DMPK: variants seen among roughly 807,000 people sequenced by gnomAD.
The protein encoded by DMPK is myotonin-protein kinase.
In DMPK, 32 loss-of-function variants were observed where a neutral mutation model predicts 70.3. That is an observed-to-expected ratio of 0.46 (90% CI 0.34 to 0.61). The LOEUF is 0.61. Ranked by LOEUF, DMPK falls within the 20% of genes least tolerant of loss-of-function variation. The pLI, the probability that DMPK is intolerant of heterozygous loss-of-function variation, is 0.01. For missense variants in DMPK, 899 were observed against 886.0 expected (o/e 1.01, Z -0.19); for synonymous variants, 469 against 390.9 (o/e 1.20, Z -2.36).
chr19:45,779,545 G>A (rs760240414), intron 2 of DMPK, 23 bp from the exon 3 acceptor site: 3 of 1,613,368 alleles, frequency 1.9e-6, no homozygotes, highest in Admixed American at 3.3e-5. Context: ...TAGTGAGACA[G>A]AGTGGAGACG....
chr19:45,779,019 G>A (rs1044553302), intron 4 of DMPK: 74 of 588,498 alleles, frequency 1.3e-4, no homozygotes, highest in African/African-American at 8.2e-4. Context: ...GAGACCCCCC[G>A]CAACAGAGAC....
Position 45,777,909 on chromosome 19 carries a change from C to A in DMPK, c.676-36G>T. 1 of 1,555,768 alleles carries A rather than the reference C, an allele frequency of 6.4e-7. No homozygotes were observed. Among genetic ancestry groups the A allele is most frequent in the Non-Finnish European group, 8.7e-7 (1 of 1,147,716 alleles). ...AGGAGCAGAGCGAGGCTTGGGCCCA[C>A]CCCTCTGGGCCCACCAGCTCTGGGC... is the stretch of plus-strand genomic sequence containing the variant. On this transcript the variant is annotated intron_variant, in intron 6 of 14. Transcript: ENST00000291270. The surrounding 1 kb of genome is among the most constrained non-coding windows in gnomAD (Gnocchi z 6.7).
Position 45,777,308 on chromosome 19 carries a change from AG to A in DMPK, c.1146+18del, listed in dbSNP as rs1326107967. 1.9e-6 allele frequency: 3 copies of A among 1,543,038 alleles called. No homozygotes were observed. Among genetic ancestry groups the A allele is most frequent in the Non-Finnish European group, 2.6e-6 (3 of 1,143,956 alleles). On this transcript the variant is annotated intron_variant, in intron 8 of 14. Transcript: ENST00000291270. This position sits in a 1 kb window ranked among gnomAD's most constrained non-coding sequence, Gnocchi z 6.7. ...CATGGGGAGGTTCCCGCAGCCGAGC[AG>A]GGGCCACAGGTACCTACCCCGCCCC...
chr19:45,779,162 C>A (rs984433618), intron 4 of DMPK, 102 bp downstream of exon 4: 19 of 1,224,322 alleles, frequency 1.6e-5, no homozygotes, highest in Non-Finnish European at 2.3e-5. Flanking sequence ...CAGACGTTTC[C>A]GGGCAGCACC....
chr19:45,775,655 T>G (rs1348798393), intron 8 of DMPK, among the ~76,000 whole-genome samples: 1 of 108,922 alleles, frequency 9.2e-6, no homozygotes, highest in African/African-American at 3.1e-5. Flanking sequence ...GTAGCTGGCA[T>G]TACAGGCATA....
chr19:45,780,675 A>T (rs517300), intron 1 of DMPK: 10 of 754,656 alleles, frequency 1.3e-5, no homozygotes, highest in Non-Finnish European at 1.5e-5. Context: ...GGAGAGAGGG[A>T]TGGGTATGGG....
intron 1 of DMPK, among the ~76,000 whole-genome samples, chr19:45,781,027 G>A (rs1362404248): frequency 6.6e-6 from 1 of 152,176 alleles, no homozygotes. Context: ...GCTGTGGGAG[G>A]TTGGGAGAAG....
intron 4 of DMPK, chr19:45,779,011 G>A (rs750287221): frequency 5.1e-6 from 3 of 587,790 alleles, no homozygotes; most frequent in Admixed American, 3.0e-5. Flanking sequence ...CCAGGTAAGA[G>A]ACCCCCCGCA....
chr19:45,778,008 A>G, intron 6 of DMPK, 119 bp downstream of exon 6: 3 of 1,216,510 alleles, frequency 2.5e-6, no homozygotes, highest in Non-Finnish European at 3.5e-6. Flanking sequence ...ACAGATGCAC[A>G]CTTAAGCCTG....
chr19:45,777,078 CA>C lies in DMPK; in HGVS notation c.1146+248del. 1 of 488,156 alleles carries C rather than the reference CA, an allele frequency of 2.0e-6. No individual in the cohort carries two copies. The allele number at this position is 488,156 out of a possible 1,614,324, so 30.2% of individuals were successfully genotyped here. On this transcript the variant is annotated intron_variant, in intron 8 of 14. Transcript: ENST00000291270. This position sits in a 1 kb window ranked among gnomAD's most constrained non-coding sequence, Gnocchi z 6.7. ...CTTCCTTGCTGAGTCAGGAGTCCCC[CA>C]CCCCCTGCACTCCATTGTCTCAGCC...
rs2146256051 is a variant in DMPK at position 45,779,276 on chromosome 19, A to G, written c.420T>C (p.Asp140=). Residue 140 remains aspartate, a synonymous_variant, in exon 4 of 15, where the codon GAT becomes GAC. Coordinates refer to ENST00000291270, the MANE Select transcript of DMPK (RefSeq NM_004409.5). ...WITQLHFAFQ[D]ENYLYLVMEY... ...GCCCGGAGCTCACCAGGTAGTTCTC[A>G]TCCTGGAAGGCGAAGTGCAGCTGCG... 1 of 1,613,434 alleles carries G rather than the reference A, an allele frequency of 6.2e-7. No individual in the cohort carries two copies.
chr19:45,770,565 C>T lies in DMPK; in HGVS notation c.1813G>A (p.Gly605Ser). 1.3e-6 allele frequency: 2 copies of T among 1,551,434 alleles called. No homozygotes were observed. Among genetic ancestry groups the T allele is most frequent in the Non-Finnish European group, 1.7e-6 (2 of 1,147,278 alleles). The part of the protein sequence containing the change: ...AVVLSRAAAL[G>S]CIGLVAHAGQ... ...GCGTGGGCCACCAACCCAATGCAGC[C>T]CAGGGCGGCGGCACGAGACAGAACA... The change falls in exon 15 of 15, where the codon GGC becomes AGC. Residue 605 changes from glycine to serine, a missense_variant. Gly to Ser is a moderately conservative substitution (Grantham distance 56). Transcript: ENST00000291270.
At chr19:45,782,127 G>A (rs978802475) in intron 1 of DMPK, 66 bp downstream of exon 1, 4 of 616,346 alleles carry the variant, frequency 6.5e-6, no homozygotes, top group South Asian at 3.6e-5. Flanking sequence ...CCAGGCCTCT[G>A]TGCCCAGACC....
At position 45,777,907 on chromosome 19, in the gene DMPK, C is replaced by T. The variant is rs377307057; in HGVS notation, c.676-34G>A. ...AAAGGAGCAGAGCGAGGCTTGGGCC[C>T]ACCCCTCTGGGCCCACCAGCTCTGG... On this transcript the variant is annotated intron_variant, in intron 6 of 14. Transcript: ENST00000291270. The surrounding 1 kb of genome is among the most constrained non-coding windows in gnomAD (Gnocchi z 6.7). 173 of 1,576,368 alleles carry T rather than the reference C, an allele frequency of 1.1e-4. 1 individual carries two copies. Among genetic ancestry groups the T allele is most frequent in the Admixed American group, 1.7e-4 (10 of 58,522 alleles).
chr19:45,781,769 T>G (rs1230043050), intron 1 of DMPK, among the ~76,000 whole-genome samples: 1 of 152,180 alleles, frequency 6.6e-6, no homozygotes, highest in Non-Finnish European at 1.5e-5. Flanking sequence ...AGCTGCCCCA[T>G]GCTGGCCCTC....
At chr19:45,774,261 ACTTT>A (rs1969650053) in intron 9 of DMPK, among the ~76,000 whole-genome samples, 1 of 94,856 alleles carries the variant, frequency 1.1e-5, no homozygotes, top group East Asian at 3.3e-4. Flanking sequence ...CTAAATAAAT[ACTTT>A]TTTTTTTTTT....
intron 9 of DMPK, among the ~76,000 whole-genome samples, chr19:45,773,276 G>A (rs887476180): frequency 2.0e-5 from 3 of 152,212 alleles, no homozygotes; most frequent in Non-Finnish European, 2.9e-5. Flanking sequence ...TCCCTCCTGT[G>A]GGAACACGGC....
chr19:45,779,127 C>T (rs1280517007), intron 4 of DMPK, 137 bp downstream of exon 4: 3 of 860,286 alleles, frequency 3.5e-6, no homozygotes, highest in Non-Finnish European at 5.8e-6. Context: ...CTGACACACC[C>T]TCTTACCGCA....
At position 45,770,183 on chromosome 19, in the gene DMPK, A is replaced by C; in HGVS notation, c.*305T>G. ...TCAGGGCCTCAGCCTGGCCGAAAGA[A>C]AGAAATGGTCTGTGATCCCCCCAGC... On this transcript the variant is annotated 3_prime_UTR_variant, in exon 15 of 15. Transcript: ENST00000291270. The C allele has an allele frequency of 4.4e-6, 3 of 678,354 alleles. No homozygotes were observed. Among genetic ancestry groups the C allele is most frequent in the Non-Finnish European group, 7.2e-6 (3 of 417,086 alleles). The allele number at this position is 678,354 out of a possible 1,614,324, so 42.0% of individuals were successfully genotyped here. A position where few individuals can be genotyped will look rare whatever the true frequency, so the allele number is the denominator to read the frequency against.
Sources: gnomAD v4.1 joint callset for allele counts (sites outside exome capture counted in the v4.1 genomes callset) on GRCh38, gnomAD v4.1.1 for gene constraint, Gnocchi (gnomAD v3.1) non-coding constraint, MANE v1.5 for transcripts, NCBI Gene and HGNC (gene_info 2026-07-23, HGNC 2026-07-21) for gene names.